Variants in CNKSR2 observed in about 807,000 individuals in gnomAD.
CNKSR2 encodes the protein CNK homolog protein 2.
CNKSR2 carries 14 observed loss-of-function variants against 84.4 expected under a neutral mutation model. The observed-to-expected ratio is 0.17, with a 90% CI of 0.11 to 0.26. The LOEUF (loss-of-function observed/expected upper bound fraction) is 0.26. Among genes scored for constraint, CNKSR2 ranks in the 10% least tolerant of loss-of-function variants. CNKSR2 has a pLI of 1.00. For synonymous variants in CNKSR2, 275 were observed against 277.9 expected (o/e 0.99, Z 0.10); for missense variants, 485 against 771.2 (o/e 0.63, Z 4.40).
chrX:21,645,251 A>G (rs1284961211), intron 20 of CNKSR2: 2 of 112,050 alleles, frequency 1.8e-5, no homozygotes, highest in African/African-American at 3.2e-5. Flanking sequence ...TAATTCATCA[A>G]TAACTTAATT....
chrX:21,474,339 C>T (rs1355351734), intron 5 of CNKSR2, among the ~76,000 whole-genome samples: 1 of 111,536 alleles, frequency 9.0e-6, no homozygotes, highest in Non-Finnish European at 1.9e-5. Context: ...TATCCCAAGA[C>T]TCAGAAGAGA....
At chrX:21,644,839 A>G (rs1008337547) in intron 20 of CNKSR2, 2 of 112,021 alleles carry the variant, frequency 1.8e-5, no homozygotes, top group Non-Finnish European at 3.8e-5. Flanking sequence ...TAATACATGT[A>G]TATAAGTTTC....
chrX:21,649,641 A>G lies in CNKSR2; in HGVS notation c.2889+614A>G, dbSNP rs759236574. 6.5e-4 allele frequency among the ~76,000 whole-genome samples: 73 copies of G among 111,811 alleles called. 1 individual carries two copies. Among genetic ancestry groups the G allele is most frequent in the African/African-American group, 2.3e-3 (71 of 30,751 alleles). Reference sequence around the variant, plus strand: ...CCCCCAGGTTGGGGAGGAGGTGGTGAGGACAGGAGAGCAGAGAGGCAGAAA... The same window carrying G: ...CCCCCAGGTTGGGGAGGAGGTGGTGGGGACAGGAGAGCAGAGAGGCAGAAA... On this transcript the variant is annotated intron_variant, in intron 21 of 21. Transcript: ENST00000379510.
chrX:21,512,875 A>G (rs1324906127), intron 8 of CNKSR2, among the ~76,000 whole-genome samples: 1 of 111,948 alleles, frequency 8.9e-6, no homozygotes, highest in Non-Finnish European at 1.9e-5. Context: ...ACTGTGCTTT[A>G]GAATTGAAAA....
At chrX:21,419,797 C>T in intron 1 of CNKSR2, among the ~76,000 whole-genome samples, 1 of 112,591 alleles carries the variant, frequency 8.9e-6, no homozygotes, top group East Asian at 2.8e-4. Context: ...TGGAGTGAGA[C>T]AAGCACCCTT....
At position 21,483,717 on chromosome X, in the gene CNKSR2, T is replaced by C. The variant is rs185038315; in HGVS notation, c.562-6742T>C. Among the ~76,000 whole-genome samples, 8 of 109,364 alleles carry C rather than the reference T, an allele frequency of 7.3e-5. No homozygotes were observed. In the East Asian group the frequency reaches 2.3e-3, roughly 31 times the overall value. The allele number at this position is 109,364 out of a possible 115,157, so 95.0% of individuals were successfully genotyped here. A position where few individuals can be genotyped will look rare whatever the true frequency, so the allele number is the denominator to read the frequency against. ...AATGTTACTCTTTCAAAGTTACCTA[T>C]GATTGTTCAACAGTTGTGTCTTGTT... On this transcript the variant is annotated intron_variant, in intron 5 of 21. Transcript: ENST00000379510.
At chrX:21,441,851 G>T (rs750881935) in intron 4 of CNKSR2, among the ~76,000 whole-genome samples, 4 of 111,811 alleles carry the variant, frequency 3.6e-5, no homozygotes, top group African/African-American at 1.3e-4. Flanking sequence ...TTATGATGAT[G>T]ATTATGCTTT....
chrX:21,507,960 TATAGG>T (rs1447878315), intron 8 of CNKSR2, among the ~76,000 whole-genome samples: 1 of 111,871 alleles, frequency 8.9e-6, no homozygotes, highest in African/African-American at 3.2e-5. Context: ...AGAAATGAAA[TATAGG>T]AAGGAATGGC....
chrX:21,467,964 T>G (rs1319524361), intron 4 of CNKSR2, among the ~76,000 whole-genome samples: 1 of 111,786 alleles, frequency 8.9e-6, no homozygotes, highest in African/African-American at 3.2e-5. Flanking sequence ...TGTTGAATTT[T>G]ATTTCCTGTT....
intron 10 of CNKSR2, among the ~76,000 whole-genome samples, chrX:21,529,711 T>C (rs1402583559): frequency 1.8e-5 from 2 of 110,749 alleles, no homozygotes; most frequent in Non-Finnish European, 3.8e-5. Context: ...TACACACATT[T>C]ACATACACAA....
intron 1 of CNKSR2, among the ~76,000 whole-genome samples, chrX:21,397,469 A>C (rs954056627): frequency 9.0e-6 from 1 of 111,333 alleles, no homozygotes; most frequent in Non-Finnish European, 1.9e-5. Context: ...GTAGCTGTCT[A>C]TGATACACCA....
intron 5 of CNKSR2, among the ~76,000 whole-genome samples, chrX:21,487,576 G>GA (rs1252867816): frequency 2.7e-5 from 3 of 111,586 alleles, no homozygotes; most frequent in Non-Finnish European, 5.6e-5. Flanking sequence ...ATCCTGTATA[G>GA]AAACCCTTCA....
intron 11 of CNKSR2, among the ~76,000 whole-genome samples, chrX:21,560,334 G>A (rs754055690): frequency 1.9e-4 from 21 of 110,854 alleles, no homozygotes; most frequent in African/African-American, 6.2e-4. Flanking sequence ...TGACAGAAGT[G>A]TGAGTGCCTG....
intron 13 of CNKSR2, among the ~76,000 whole-genome samples, chrX:21,582,375 A>G (rs1003504880): frequency 1.8e-5 from 2 of 112,165 alleles, no homozygotes; most frequent in Non-Finnish European, 3.8e-5. Context: ...TCACATAGCA[A>G]TGTACTTGCA....
At chrX:21,600,120 G>T (rs1199072604) in intron 17 of CNKSR2, among the ~76,000 whole-genome samples, 1 of 111,834 alleles carries the variant, frequency 8.9e-6, no homozygotes, top group East Asian at 2.8e-4. Context: ...TACAATTAAA[G>T]CTTAAATTTC....
Position 21,431,747 on chromosome X carries a change from A to G in CNKSR2, c.229-865A>G, listed in dbSNP as rs758798644. ...TCCCCAAAGTTTGAAGGGATCCTACAATCTTTTTCTATTTGAAGATAGTAA... is the reference window on the plus strand; with the variant it reads ...TCCCCAAAGTTTGAAGGGATCCTACGATCTTTTTCTATTTGAAGATAGTAA... On this transcript the variant is annotated intron_variant, in intron 2 of 21. Transcript: ENST00000379510. Among the ~76,000 whole-genome samples the G allele has an allele frequency of 7.3e-4, 82 of 112,062 alleles. 1 individual carries two copies. Among genetic ancestry groups the G allele is most frequent in the African/African-American group, 2.5e-3 (77 of 30,965 alleles).
Position 21,563,246 on chromosome X carries a change from C to G in CNKSR2, c.1402C>G (p.Leu468Val). The G allele has an allele frequency of 8.3e-7, 1 of 1,200,232 alleles. No individual in the cohort carries two copies. The highest frequency in any genetic ancestry group is 1.1e-6 in the Non-Finnish European group (1 of 887,669). The change falls in exon 13 of 22, where the codon CTA becomes GTA. Residue 468 changes from leucine (L) to valine (V), a missense_variant. By Grantham distance (32) the Leu-to-Val change is conservative. This residue lies in a region of CNKSR2 where 132 missense variants were observed against 166.7 expected (regional missense o/e 0.79). Coordinates refer to ENST00000379510, the MANE Select transcript of CNKSR2 (RefSeq NM_014927.5). Reference sequence around the variant, plus strand: ...TATCTCTTTTTATATAGAAAACTCTCTACTTCGGTATATGAGCAATGAAAA... The same window carrying G: ...TATCTCTTTTTATATAGAAAACTCTGTACTTCGGTATATGAGCAATGAAAA... The part of the protein sequence containing the change: ...MKRDSRRENS[L>V]LRYMSNEKIA...
chrX:21,599,934 T>C (rs1451738565), intron 17 of CNKSR2, among the ~76,000 whole-genome samples: 1 of 111,329 alleles, frequency 9.0e-6, no homozygotes, highest in African/African-American at 3.3e-5. Context: ...TAGCTTATAA[T>C]TTTCTGGATG....
intron 20 of CNKSR2, among the ~76,000 whole-genome samples, chrX:21,647,813 C>T (rs2092710236): frequency 9.0e-6 from 1 of 111,265 alleles, no homozygotes; most frequent in Admixed American, 9.6e-5. Context: ...GAATGAACAA[C>T]ATTCCATATT....
Sources: gnomAD v4.1 joint callset for allele counts (sites outside exome capture counted in the v4.1 genomes callset) on GRCh38, gnomAD v4.1.1 for gene constraint, gnomAD v4.1.1 regional missense constraint, MANE v1.5 for transcripts, NCBI Gene and HGNC (gene_info 2026-07-23, HGNC 2026-07-21) for gene names.